The following TMEM132D variants were observed in gnomAD, a reference collection of about 807,000 sequenced individuals.
The protein encoded by TMEM132D is mature OL transmembrane protein.
In TMEM132D, 21 loss-of-function variants were observed where a neutral mutation model predicts 62.3. The ratio of observed to expected loss-of-function variants is 0.34; its 90% CI spans 0.24 to 0.49. The LOEUF is 0.49. Among genes scored for constraint, TMEM132D ranks in the 20% least tolerant of loss-of-function variants. TMEM132D has a pLI of 0.99. For missense variants in TMEM132D, 1,346 were observed against 1,402.8 expected (o/e 0.96, Z 0.65); for synonymous variants, 621 against 575.6 (o/e 1.08, Z -1.13).
intron 1 of TMEM132D, among the ~76,000 whole-genome samples, chr12:129,803,066 T>C (rs980958513): frequency 1.5e-4 from 23 of 151,034 alleles, no homozygotes; most frequent in African/African-American, 5.4e-4. Flanking sequence ...ACAAAGAGAC[T>C]TAGACTCCCA....
intron 5 of TMEM132D, among the ~76,000 whole-genome samples, chr12:129,106,564 A>G (rs891706775): frequency 6.6e-6 from 1 of 152,202 alleles, no homozygotes. Context: ...GGAAACTGCC[A>G]TTAGCAGGTG....
At chr12:129,627,039 G>C (rs1813525562) in intron 2 of TMEM132D, among the ~76,000 whole-genome samples, 1 of 152,172 alleles carries the variant, frequency 6.6e-6, no homozygotes, top group Non-Finnish European at 1.5e-5. Context: ...TATTACGTTA[G>C]TGATTGTGAC....
chr12:129,259,572 A>G (rs112081102), intron 4 of TMEM132D, among the ~76,000 whole-genome samples: 8 of 152,298 alleles, frequency 5.3e-5, no homozygotes, highest in South Asian at 2.1e-4. Context: ...TAGGCATGAA[A>G]GTTCATAACC....
chr12:129,172,008 A>G (rs992066926), intron 5 of TMEM132D, among the ~76,000 whole-genome samples: 1 of 152,230 alleles, frequency 6.6e-6, no homozygotes, highest in African/African-American at 2.4e-5. Context: ...CTCTCCAGCT[A>G]TGAAAGCACT....
chr12:129,762,676 C>A (rs530379837), intron 1 of TMEM132D, among the ~76,000 whole-genome samples: 2 of 152,302 alleles, frequency 1.3e-5, no homozygotes, highest in African/African-American at 2.4e-5. Context: ...TGACATGGAA[C>A]CTGGCCCGGT....
At chr12:129,458,219 T>C (rs1873543143) in intron 3 of TMEM132D, among the ~76,000 whole-genome samples, 1 of 152,190 alleles carries the variant, frequency 6.6e-6, no homozygotes, top group Non-Finnish European at 1.5e-5. Context: ...GTGTCTCTTC[T>C]CTTCTCTGCT....
At chr12:129,748,352 G>A (rs4468386) in intron 1 of TMEM132D, among the ~76,000 whole-genome samples, 71,388 of 151,900 alleles carry the variant, frequency 0.47, 17,347 homozygotes, top group Middle Eastern at 0.57. Context: ...TTTGGACGGA[G>A]AATGAGACTG....
intron 3 of TMEM132D, among the ~76,000 whole-genome samples, chr12:129,447,947 GACA>G (rs1873156414): frequency 6.6e-6 from 1 of 152,132 alleles, no homozygotes; most frequent in Non-Finnish European, 1.5e-5. Flanking sequence ...GTGAGTGCTT[GACA>G]ACAAGAATTA....
chr12:129,295,242 G>A (rs754684142), intron 4 of TMEM132D, among the ~76,000 whole-genome samples: 29 of 151,892 alleles, frequency 1.9e-4, no homozygotes, highest in Non-Finnish European at 2.9e-4. Flanking sequence ...TAGACACTAC[G>A]GAACACTGCT....
At chr12:129,313,655 G>A (rs967564205) in intron 4 of TMEM132D, among the ~76,000 whole-genome samples, 2 of 151,916 alleles carry the variant, frequency 1.3e-5, no homozygotes, top group African/African-American at 4.8e-5. Context: ...ATTGTGAATT[G>A]TCCCACTATA....
At chr12:129,525,230 T>G (rs1444947793) in intron 3 of TMEM132D, among the ~76,000 whole-genome samples, 8,217 of 110,010 alleles carry the variant, frequency 0.075, 1,527 homozygotes, top group Admixed American at 0.15. Flanking sequence ...CAGCCGGTTT[T>G]TTTTTTTTTT....
chr12:129,368,825 C>G (rs1050938524), intron 3 of TMEM132D, among the ~76,000 whole-genome samples: 1 of 151,524 alleles, frequency 6.6e-6, no homozygotes, highest in African/African-American at 2.4e-5. Context: ...TCTGGCCAAT[C>G]GGCTGTAAGC....
chr12:129,269,477 C>T (rs1349415627), intron 4 of TMEM132D, among the ~76,000 whole-genome samples: 1 of 152,090 alleles, frequency 6.6e-6, no homozygotes, highest in East Asian at 1.9e-4. Context: ...TTTTGCTAGC[C>T]CTGTCTCAAC....
chr12:129,632,736 G>A (rs111399829), intron 2 of TMEM132D, among the ~76,000 whole-genome samples: 274 of 152,236 alleles, frequency 1.8e-3, no homozygotes, highest in African/African-American at 6.3e-3. Context: ...ATCCACGCAC[G>A]AGCTCCCTCT....
intron 2 of TMEM132D, among the ~76,000 whole-genome samples, chr12:129,627,992 A>G (rs265614): frequency 6.6e-6 from 1 of 152,136 alleles, no homozygotes; most frequent in Admixed American, 6.5e-5. Flanking sequence ...GTCTCCAAAA[A>G]ACAGTAATTT....
intron 1 of TMEM132D, among the ~76,000 whole-genome samples, chr12:129,762,832 AAT>A (rs1278305495): frequency 6.6e-6 from 1 of 152,136 alleles, no homozygotes; most frequent in Non-Finnish European, 1.5e-5. Flanking sequence ...AAAGCTGTCT[AAT>A]ATGTTTTGTA....
At chr12:129,385,488 G>A (rs986943467) in intron 3 of TMEM132D, among the ~76,000 whole-genome samples, 4 of 152,128 alleles carry the variant, frequency 2.6e-5, no homozygotes, top group Middle Eastern at 3.2e-3. Flanking sequence ...GTTATTCCCA[G>A]TGACCTGAAA....
At chr12:129,082,061 C>CAGTT (rs759625417) in intron 6 of TMEM132D, 29 bp from the exon 7 acceptor site, 7 of 1,574,708 alleles carry the variant, frequency 4.4e-6, no homozygotes, top group African/African-American at 1.3e-5. Context: ...AGTTTGCAGA[C>CAGTT]AGTTACTTGT....
intron 3 of TMEM132D, among the ~76,000 whole-genome samples, chr12:129,519,620 T>TC (rs1875790274): frequency 6.6e-6 from 1 of 151,598 alleles, no homozygotes; most frequent in East Asian, 1.9e-4. Flanking sequence ...CTTTTTTTTT[T>TC]TTCTTTGAGA....
Sources: gnomAD v4.1 joint callset for allele counts (sites outside exome capture counted in the v4.1 genomes callset) on GRCh38, gnomAD v4.1.1 for gene constraint, MANE v1.5 for transcripts, NCBI Gene and HGNC (gene_info 2026-07-23, HGNC 2026-07-21) for gene names.